GCN1: variants seen among roughly 807,000 people sequenced by gnomAD.
GCN1 encodes the protein stalled ribosome sensor GCN1.
Under a neutral mutation model 288.4 loss-of-function variants are expected in GCN1, and 90 were observed. The ratio of observed to expected loss-of-function variants is 0.31; its 90% CI spans 0.26 to 0.37. GCN1 has a LOEUF of 0.37. GCN1 is among the 10% of genes least tolerant of loss of function. The probability of loss-of-function intolerance (pLI) is 1.00; values close to 1 mark genes in which losing one functional copy is unlikely to be tolerated. For synonymous variants in GCN1, 1,386 were observed against 1,420.2 expected, an observed-to-expected ratio of 0.98 and a Z score of 0.54; for missense variants, 2,586 against 3,419.9, an observed-to-expected ratio of 0.76 and a Z score of 6.08.
At position 120,139,351 on chromosome 12, in the gene GCN1, G is replaced by A. The variant is rs61555211; in HGVS notation, c.5995-495C>T. Reference sequence around the variant, plus strand: ...AAATTAAAAAGTAGAGAGGGGCCGCGCACAGTGGCTCACGCCTGTAATCCC... The same window carrying A: ...AAATTAAAAAGTAGAGAGGGGCCGCACACAGTGGCTCACGCCTGTAATCCC... On this transcript the variant is annotated intron_variant, in intron 45 of 57. Transcript: ENST00000300648. Among the ~76,000 whole-genome samples, 1,363 of 152,150 alleles carry A rather than the reference G, an allele frequency of 9.0e-3. 33 individuals are homozygous for A. The highest frequency in any genetic ancestry group is 0.031 in the African/African-American group (1,303 of 41,478).
In GCN1 at chr12:120,147,184, G is replaced by C; in HGVS notation, c.4815C>G (p.Val1605=). ...CCAGGGATGGGGCATCAATGAAGTG[G>C]ACAAACTTGGTGTCCAGCAGGGTCT... is the stretch of plus-strand genomic sequence containing the variant. ...CLQTLLDTKF[V]HFIDAPSLAL... is the part of the protein sequence containing the mutation. Residue 1605 remains valine (V), a synonymous_variant, in exon 38 of 58, where the codon GTC becomes GTG. Coordinates refer to ENST00000300648, the MANE Select transcript of GCN1 (RefSeq NM_006836.2). 6.2e-7 allele frequency: 1 copy of C among 1,613,188 alleles called. No individual in the cohort carries two copies. Among genetic ancestry groups the C allele is most frequent in the Non-Finnish European group, 8.5e-7 (1 of 1,179,230 alleles).
At chr12:120,166,838 C>A (rs1238630205) in intron 16 of GCN1, among the ~76,000 whole-genome samples, 3 of 151,552 alleles carry the variant, frequency 2.0e-5, no homozygotes, top group Non-Finnish European at 4.4e-5. Flanking sequence ...TGGTGAAACC[C>A]CCGTCTCTTA....
chr12:120,155,583 C>T lies in GCN1; in HGVS notation c.3440+9G>A, dbSNP rs988430360. ...GCAGCAGGAGAAAGCGACATGCTGG[C>T]TCTCTCACCTCTCAGCCAGCTTCCG... On this transcript the variant is annotated intron_variant, in intron 29 of 57. Coordinates refer to ENST00000300648, the MANE Select transcript of GCN1 (RefSeq NM_006836.2). This position sits in a 1 kb window ranked among gnomAD's most constrained non-coding sequence, Gnocchi z 4.9. 2 of 1,614,000 alleles carry T rather than the reference C, an allele frequency of 1.2e-6. No individual in the cohort carries two copies. Among genetic ancestry groups the T allele is most frequent in the Middle Eastern group, 1.6e-4 (1 of 6,062 alleles).
Position 120,148,229 on chromosome 12 carries a change from T to C in GCN1, c.4664A>G (p.Gln1555Arg). The stretch of plus-strand genomic sequence containing the variant: ...CCTGAGCGCCTGCTGTCCAGCCTTC[T>C]GGACTTTGACATGGGAGTCGGTCAG... ...EVLTDSHVKV[Q>R]KAGQQALRQI... Residue 1555 changes from glutamine (Q) to arginine (R), a missense_variant, in exon 37 of 58, where the codon CAG becomes CGG. By Grantham distance (43) the Gln-to-Arg change is conservative. This residue lies in a region of GCN1 where 371 missense variants were observed against 572.6 expected (regional missense o/e 0.65). Transcript: ENST00000300648. The C allele has an allele frequency of 6.2e-7, 1 of 1,614,124 alleles. No individual in the cohort carries two copies. The highest frequency in any genetic ancestry group is 8.5e-7 in the Non-Finnish European group (1 of 1,179,984).
In GCN1 at chr12:120,170,236, G is replaced by A. The variant is rs771543726; in HGVS notation, c.1452C>T (p.Pro484=). The change falls in exon 15 of 58, where the codon CCC becomes CCT. Residue 484 remains proline (P), a synonymous_variant. Coordinates refer to ENST00000300648, the MANE Select transcript of GCN1 (RefSeq NM_006836.2). ...EKAASQSTQV[P]TITEGVAAAL... is the part of the protein sequence containing the mutation. The stretch of plus-strand genomic sequence containing the variant: ...CTGCGGCAACCCCTTCAGTGATGGT[G>A]GGAACCTGAGTGCTTTGGGAGGCTG... 1.2e-6 allele frequency: 2 copies of A among 1,614,118 alleles called. No individual in the cohort carries two copies. The highest frequency in any genetic ancestry group is 2.2e-5 in the South Asian group (2 of 91,084).
chr12:120,151,146 C>T lies in GCN1; in HGVS notation c.4308G>A (p.Glu1436=). The change falls in exon 34 of 58, where the codon GAG becomes GAA. Residue 1436 remains glutamate, a splice_region_variant and synonymous_variant. Transcript: ENST00000300648. ...IQDKKNFRRR[E]GALFAFEMLC... ...AGCCCCAAGCTCAGAGATGCTCACC[C>T]TCTCGCCGGCGGAAGTTCTTCTTAT... 1 of 1,612,828 alleles carries T rather than the reference C, an allele frequency of 6.2e-7. No individual in the cohort carries two copies.
In GCN1 at chr12:120,162,839, C is replaced by T. The variant is rs1566310244; in HGVS notation, c.2163+8G>A. 2 of 1,613,284 alleles carry T rather than the reference C, an allele frequency of 1.2e-6. No homozygotes were observed. Among genetic ancestry groups the T allele is most frequent in the South Asian group, 2.2e-5 (2 of 91,024 alleles). Reference sequence around the variant, plus strand: ...ACCTGAGGCCAGACCAGCTCATGTGCCCGTCACCTGGTTTAGGGGACTCTG... The same window carrying T: ...ACCTGAGGCCAGACCAGCTCATGTGTCCGTCACCTGGTTTAGGGGACTCTG... On this transcript the variant is annotated splice_region_variant and intron_variant, in intron 20 of 57. Coordinates refer to ENST00000300648, the MANE Select transcript of GCN1 (RefSeq NM_006836.2).
In GCN1 at chr12:120,142,299, C is replaced by T. The variant is rs1343185076; in HGVS notation, c.5829+208G>A. On this transcript the variant is annotated intron_variant, in intron 44 of 57. Transcript: ENST00000300648. This position sits in a 1 kb window ranked among gnomAD's most constrained non-coding sequence, Gnocchi z 4.9. ...TGAGATCACGCCACTGCACTTCAGCCTGGGCGACAGAGCAAGACTCCACCT... is the reference window on the plus strand; with the variant it reads ...TGAGATCACGCCACTGCACTTCAGCTTGGGCGACAGAGCAAGACTCCACCT... 6.6e-6 allele frequency among the ~76,000 whole-genome samples: 1 copy of T among 152,084 alleles called. No individual in the cohort carries two copies. Among genetic ancestry groups the T allele is most frequent in the African/African-American group, 2.4e-5 (1 of 41,406 alleles).
Position 120,187,069 on chromosome 12 carries a change from C to T in GCN1, c.122-2182G>A, listed in dbSNP as rs192763286. On this transcript the variant is annotated intron_variant, in intron 2 of 57. Coordinates refer to ENST00000300648, the MANE Select transcript of GCN1 (RefSeq NM_006836.2). ...AACACACAAGAGACTCTCTGAGACGCTCACAAATAGCAAGTTTACAAGCTT... is the reference window on the plus strand; with the variant it reads ...AACACACAAGAGACTCTCTGAGACGTTCACAAATAGCAAGTTTACAAGCTT... Among the ~76,000 whole-genome samples, 60 of 152,286 alleles carry T rather than the reference C, an allele frequency of 3.9e-4. No homozygotes were observed. In the East Asian group the frequency reaches 5.2e-3, roughly 13 times the overall value.
chr12:120,182,519 T>G (rs1386850607), intron 5 of GCN1, among the ~76,000 whole-genome samples: 3 of 152,144 alleles, frequency 2.0e-5, no homozygotes, highest in Non-Finnish European at 4.4e-5. Context: ...ATCTCAACCC[T>G]CAACGAAACC....
At chr12:120,191,489 C>A (rs929634137) in intron 1 of GCN1, among the ~76,000 whole-genome samples, 8 of 152,216 alleles carry the variant, frequency 5.3e-5, no homozygotes, top group Admixed American at 2.0e-4. Flanking sequence ...GCTCATGTAA[C>A]TTAACACAGT....
chr12:120,139,600 C>G (rs1328365932), intron 45 of GCN1, among the ~76,000 whole-genome samples: 1 of 151,998 alleles, frequency 6.6e-6, no homozygotes, highest in Non-Finnish European at 1.5e-5. Flanking sequence ...TGCACTCCAG[C>G]CTGGGTGACA....
In GCN1 at chr12:120,134,715, G is replaced by A; in HGVS notation, c.7020C>T (p.Ala2340=). 6.2e-7 allele frequency: 1 copy of A among 1,612,484 alleles called. No individual in the cohort carries two copies. Among genetic ancestry groups the A allele is most frequent in the Admixed American group, 1.7e-5 (1 of 60,010 alleles). The change falls in exon 52 of 58, where the codon GCC becomes GCT. Residue 2340 remains alanine (A), a synonymous_variant. Transcript: ENST00000300648. This position sits in a 1 kb window ranked among gnomAD's most constrained non-coding sequence, Gnocchi z 5.0. ...GCAGCTGGGGCAGGAAGGGCTTCAG[G>A]GCAATCCCAACCTGTGGGAGGAACC... The part of the protein sequence containing the change: ...LSLLLAKVGI[A]LKPFLPQLQT...
At chr12:120,168,425 T>C in intron 15 of GCN1, 125 bp from the exon 16 acceptor site, 5 of 682,226 alleles carry the variant, frequency 7.3e-6, no homozygotes, top group South Asian at 1.6e-5. Flanking sequence ...GGAGGCTCAG[T>C]GCTCTTCCAT....
intron 33 of GCN1, among the ~76,000 whole-genome samples, chr12:120,152,966 A>T (rs967519991): frequency 6.6e-6 from 1 of 152,064 alleles, no homozygotes; most frequent in African/African-American, 2.4e-5. Flanking sequence ...ACTATAAACC[A>T]GGTGAGTAGA....
In GCN1 at chr12:120,173,813, G is replaced by A; in HGVS notation, c.1206C>T (p.Thr402=). The A allele has an allele frequency of 2.5e-6, 4 of 1,613,682 alleles. No homozygotes were observed. Among genetic ancestry groups the A allele is most frequent in the Non-Finnish European group, 3.4e-6 (4 of 1,179,656 alleles). The change falls in exon 14 of 58, where the codon ACC becomes ACT. Residue 402 remains threonine (T), a synonymous_variant. Coordinates refer to ENST00000300648, the MANE Select transcript of GCN1 (RefSeq NM_006836.2). ...CCAGGACTGAGACAGCGTGTACCAA[G>A]GTCCCTTCATGAACTAGGGCAAAAA... ...PFLQQEVHEG[T]LVHAVSVLAL... is the part of the protein sequence containing the mutation.
In GCN1 at chr12:120,175,753, G is replaced by A. The variant is rs1191110572; in HGVS notation, c.1035C>T (p.Ile345=). 2 of 1,611,750 alleles carry A rather than the reference G, an allele frequency of 1.2e-6. No individual in the cohort carries two copies. The highest frequency in any genetic ancestry group is 1.7e-6 in the Non-Finnish European group (2 of 1,179,180). The stretch of plus-strand genomic sequence containing the variant: ...CCAAGAAGGCTTGCTCACCTCCGAG[G>A]ATAGCAAATAGGTGCTTGGTCAGGG... ...MESLTKHLFA[I]LGGSEGKLTV... is the part of the protein sequence containing the mutation. The change falls in exon 11 of 58, where the codon ATC becomes ATT. Residue 345 remains isoleucine (I), a synonymous_variant. Transcript: ENST00000300648.
Position 120,155,487 on chromosome 12 carries a change from C to T in GCN1, c.3441-57G>A, listed in dbSNP as rs774370378. 4.4e-6 allele frequency: 7 copies of T among 1,599,490 alleles called. No homozygotes were observed. In the East Asian group the frequency reaches 1.1e-4, roughly 26 times the overall value. On this transcript the variant is annotated intron_variant, in intron 29 of 57. Coordinates refer to ENST00000300648, the MANE Select transcript of GCN1 (RefSeq NM_006836.2). The surrounding 1 kb of genome is among the most constrained non-coding windows in gnomAD (Gnocchi z 4.9). ...ACAAAGATCTGCAGCACTTGCCCTGCCAGCCCAGCCCTTCTTCCCACTGGA... is the reference window on the plus strand; with the variant it reads ...ACAAAGATCTGCAGCACTTGCCCTGTCAGCCCAGCCCTTCTTCCCACTGGA...
At chr12:120,194,058 C>T (rs1566324560) in intron 1 of GCN1, among the ~76,000 whole-genome samples, 1 of 152,228 alleles carries the variant, frequency 6.6e-6, no homozygotes, top group Non-Finnish European at 1.5e-5. Flanking sequence ...CAGTTCTTTT[C>T]ACTAACCCTG....
Sources: gnomAD v4.1 joint callset for allele counts (sites outside exome capture counted in the v4.1 genomes callset) on GRCh38, gnomAD v4.1.1 for gene constraint, gnomAD v4.1.1 regional missense constraint, Gnocchi (gnomAD v3.1) non-coding constraint, MANE v1.5 for transcripts, NCBI Gene and HGNC (gene_info 2026-07-23, HGNC 2026-07-21) for gene names.